Variants in WRN observed in about 807,000 individuals in gnomAD.
WRN encodes WRN RecQ like helicase.
A neutral mutation model predicts 180.7 loss-of-function variants in WRN; 149 were observed. The observed-to-expected ratio is 0.82, with a 90% confidence interval of 0.72 to 0.94. The LOEUF (loss-of-function observed/expected upper bound fraction) is 0.94, where lower values mean the gene tolerates loss of function less well. Ranked by LOEUF, WRN falls within the 40% of genes least tolerant of loss-of-function variation. The pLI is 0.00. For synonymous variants in WRN, 548 were observed against 568.9 expected, an observed-to-expected ratio of 0.96 and a Z score of 0.52; for missense variants, 1,661 against 1,700.1, an observed-to-expected ratio of 0.98 and a Z score of 0.40.
At chr8:31,097,125 C>T (rs1458044986) in intron 17 of WRN, among the ~76,000 whole-genome samples, 1 of 152,126 alleles carries the variant, frequency 6.6e-6, no homozygotes, top group Non-Finnish European at 1.5e-5. Flanking sequence ...GGAAAAATAT[C>T]ACTTTTTAAA....
chr8:31,046,538 C>G (rs1811870004), intron 1 of WRN, among the ~76,000 whole-genome samples: 1 of 152,204 alleles, frequency 6.6e-6, no homozygotes. Context: ...CTTCAAGCCT[C>G]TGTTTCTTTC....
chr8:31,109,556 T>G (rs1310226424), intron 18 of WRN, among the ~76,000 whole-genome samples: 1 of 152,200 alleles, frequency 6.6e-6, no homozygotes, highest in Non-Finnish European at 1.5e-5. Flanking sequence ...CTGGGAGTAG[T>G]ACTCATGTCT....
chr8:31,058,579 A>C (rs1563326377), intron 2 of WRN, 36 bp downstream of exon 2: 7 of 1,594,812 alleles, frequency 4.4e-6, no homozygotes, highest in Non-Finnish European at 6.0e-6. Context: ...TGGGTGAGAA[A>C]TTTAATTTAT....
intron 3 of WRN, 151 bp from the exon 4 acceptor site, chr8:31,064,138 A>T: frequency 1.3e-6 from 1 of 767,442 alleles, no homozygotes. Flanking sequence ...AAGAAATTTT[A>T]CATATTTTCT....
chr8:31,112,561 A>C (rs1206867674), intron 19 of WRN, among the ~76,000 whole-genome samples: 1 of 151,982 alleles, frequency 6.6e-6, no homozygotes, highest in Non-Finnish European at 1.5e-5. Flanking sequence ...AGAAGTTTTC[A>C]AAAGCCTATA....
chr8:31,122,870 T>G (rs906557702), intron 21 of WRN, among the ~76,000 whole-genome samples: 3 of 132,496 alleles, frequency 2.3e-5, no homozygotes, highest in African/African-American at 9.9e-5. Context: ...GTTTTTTTTT[T>G]TTTTTTTTTT....
intron 31 of WRN, among the ~76,000 whole-genome samples, chr8:31,154,162 G>A (rs1186852382): frequency 6.6e-6 from 1 of 151,670 alleles, no homozygotes; most frequent in Non-Finnish European, 1.5e-5. Context: ...ATTTCTAGTT[G>A]GGATGTATCA....
At chr8:31,101,755 C>G (rs1226978738) in intron 18 of WRN, among the ~76,000 whole-genome samples, 1 of 142,784 alleles carries the variant, frequency 7.0e-6, no homozygotes, top group Non-Finnish European at 1.5e-5. Context: ...CCATTCCACT[C>G]CAGCCTGGGC....
At chr8:31,078,114 T>C (rs1045945889) in intron 8 of WRN, among the ~76,000 whole-genome samples, 5 of 152,244 alleles carry the variant, frequency 3.3e-5, no homozygotes, top group Non-Finnish European at 7.3e-5. Context: ...GAGTGCTTTT[T>C]TCCCCTTGGC....
chr8:31,149,154 T>C (rs1415962698), intron 30 of WRN, among the ~76,000 whole-genome samples: 1 of 152,020 alleles, frequency 6.6e-6, no homozygotes, highest in East Asian at 1.9e-4. Context: ...TCCCAGGACT[T>C]TGGGAGGCCG....
intron 7 of WRN, among the ~76,000 whole-genome samples, chr8:31,071,114 G>A (rs529141803): frequency 6.6e-6 from 1 of 151,814 alleles, no homozygotes; most frequent in Non-Finnish European, 1.5e-5. Context: ...AATTACAGGT[G>A]CCAAGTTACA....
chr8:31,081,433 TGTA>T, intron 9 of WRN, 137 bp downstream of exon 9: 1 of 919,986 alleles, frequency 1.1e-6, no homozygotes, highest in Middle Eastern at 3.3e-4. Context: ...GTTCTGTTAT[TGTA>T]GTGTGAAAGC....
intron 33 of WRN, 46 bp from the exon 34 acceptor site, chr8:31,166,966 TTTCTAAAATA>T (rs1803903504): frequency 6.6e-7 from 1 of 1,517,574 alleles, no homozygotes; most frequent in African/African-American, 1.4e-5. Context: ...GCTCATAGGT[TTTCTAAAATA>T]TTCTCTGTAA....
intron 1 of WRN, among the ~76,000 whole-genome samples, chr8:31,035,099 A>G (rs1200495676): frequency 6.6e-6 from 1 of 152,186 alleles, no homozygotes; most frequent in Non-Finnish European, 1.5e-5. Context: ...TATTAATCCA[A>G]CAAATGTTTA....
intron 24 of WRN, among the ~76,000 whole-genome samples, chr8:31,133,252 C>G (rs1476932362): frequency 2.6e-5 from 4 of 151,998 alleles, no homozygotes; most frequent in African/African-American, 9.7e-5. Context: ...AAATCAAGAG[C>G]AAGAGATAGG....
intron 31 of WRN, 82 bp downstream of exon 31, chr8:31,150,537 T>G: frequency 8.5e-7 from 1 of 1,176,412 alleles, no homozygotes; most frequent in African/African-American, 1.5e-5. Flanking sequence ...AGAAGCAACA[T>G]TTGCTCACTT....
intron 10 of WRN, among the ~76,000 whole-genome samples, chr8:31,084,422 A>G (rs1221069830): frequency 6.6e-6 from 1 of 152,154 alleles, no homozygotes; most frequent in Non-Finnish European, 1.5e-5. Flanking sequence ...TTTTTTAAAA[A>G]AAGAACTTTT....
chr8:31,099,074 AAGAG>A (rs1278912544), intron 17 of WRN, among the ~76,000 whole-genome samples: 1 of 150,404 alleles, frequency 6.6e-6, no homozygotes, highest in African/African-American at 2.4e-5. Context: ...GAAAGAAAGA[AAGAG>A]AGAGAGAGAG....
intron 3 of WRN, 114 bp from the exon 4 acceptor site, chr8:31,064,175 T>C: frequency 8.6e-7 from 1 of 1,161,782 alleles, no homozygotes; most frequent in Non-Finnish European, 1.2e-6. Flanking sequence ...TTGTATGTGC[T>C]CCAGATAACT....
Sources: gnomAD v4.1 joint callset for allele counts (sites outside exome capture counted in the v4.1 genomes callset) on GRCh38, gnomAD v4.1.1 for gene constraint, MANE v1.5 for transcripts, NCBI Gene and HGNC (gene_info 2026-07-23, HGNC 2026-07-21) for gene names.